Variants in ANKRD55 observed in about 807,000 individuals in gnomAD.
ANKRD55 encodes ankyrin repeat domain 55.
ANKRD55 carries 41 observed loss-of-function variants against 60.6 expected under a neutral mutation model. The ratio of observed to expected loss-of-function variants is 0.68; its 90% CI spans 0.53 to 0.88. The LOEUF (loss-of-function observed/expected upper bound fraction) is 0.88. Ranked by LOEUF, ANKRD55 falls within the 40% of genes least tolerant of loss-of-function variation. ANKRD55 has a pLI of 0.00. For missense variants in ANKRD55, 732 were observed against 767.6 expected (o/e 0.95, Z 0.55); for synonymous variants, 264 against 290.3 (o/e 0.91, Z 0.92).
chr5:56,155,761 C>T (rs1203422663), intron 6 of ANKRD55, among the ~76,000 whole-genome samples: 1 of 151,476 alleles, frequency 6.6e-6, no homozygotes, highest in Non-Finnish European at 1.5e-5. Context: ...GAGAGGATCA[C>T]CTGAGCCCAG....
chr5:56,220,680 G>T (rs898063757), intron 2 of ANKRD55, among the ~76,000 whole-genome samples: 12 of 152,138 alleles, frequency 7.9e-5, no homozygotes, highest in South Asian at 2.1e-4. Context: ...GGTCATGATG[G>T]TGGGCGTCTG....
chr5:56,216,550 CA>C (rs1759816300), intron 2 of ANKRD55, among the ~76,000 whole-genome samples: 2 of 152,146 alleles, frequency 1.3e-5, no homozygotes, highest in Non-Finnish European at 2.9e-5. Context: ...GTTGTGAATG[CA>C]AAGAAAAGTT....
At chr5:56,137,391 T>G in intron 7 of ANKRD55, 8 of 999,808 alleles carry the variant, frequency 8.0e-6, no homozygotes, top group Non-Finnish European at 1.1e-5. Context: ...GATTAACCCA[T>G]ACATGAGCTC....
intron 2 of ANKRD55, among the ~76,000 whole-genome samples, chr5:56,218,292 T>C (rs747005766): frequency 4.3e-4 from 65 of 152,188 alleles, no homozygotes; most frequent in Admixed American, 3.3e-4. Context: ...ATTTCTACGG[T>C]GGGTAAAATG....
intron 10 of ANKRD55, among the ~76,000 whole-genome samples, chr5:56,109,369 T>C (rs1369519430): frequency 1.3e-5 from 2 of 152,066 alleles, no homozygotes; most frequent in African/African-American, 4.8e-5. Flanking sequence ...GATTTTCTAG[T>C]TTTTCGAGAG....
chr5:56,186,262 G>C lies in ANKRD55; in HGVS notation c.59-2628C>G, dbSNP rs193160077. ...GGCTCACTGCAGCCTTGACCTCCCA[G>C]GCCCAAGTGATCCACCCATCTCAGC... On this transcript the variant is annotated intron_variant, in intron 2 of 11. Transcript: ENST00000341048. Among the ~76,000 whole-genome samples the C allele has an allele frequency of 6.4e-3, 968 of 152,278 alleles. 4 individuals are homozygous for C. Among genetic ancestry groups the C allele is most frequent in the Non-Finnish European group, 0.011 (733 of 68,016 alleles).
intron 2 of ANKRD55, among the ~76,000 whole-genome samples, chr5:56,211,269 C>T (rs1759666408): frequency 6.6e-6 from 1 of 152,194 alleles, no homozygotes; most frequent in Admixed American, 6.5e-5. Flanking sequence ...CTGCATTGCT[C>T]ATGTGATCTT....
chr5:56,123,000 A>G (rs1286615059), intron 8 of ANKRD55, among the ~76,000 whole-genome samples: 1 of 152,062 alleles, frequency 6.6e-6, no homozygotes, highest in Non-Finnish European at 1.5e-5. Context: ...TCCTGGGCTC[A>G]AGGGATTCAT....
At chr5:56,220,445 G>A (rs1040552090) in intron 2 of ANKRD55, among the ~76,000 whole-genome samples, 2 of 152,032 alleles carry the variant, frequency 1.3e-5, no homozygotes, top group Admixed American at 1.3e-4. Context: ...TTGGAAGAAG[G>A]CAGCATCACA....
chr5:56,114,184 C>A (rs534734657), intron 9 of ANKRD55: 1 of 163,206 alleles, frequency 6.1e-6, no homozygotes, highest in Non-Finnish European at 1.3e-5. Context: ...CAAAATTAGC[C>A]AGGGGTAGTA....
At chr5:56,200,816 T>C (rs1354801091) in intron 2 of ANKRD55, among the ~76,000 whole-genome samples, 1 of 152,186 alleles carries the variant, frequency 6.6e-6, no homozygotes, top group Non-Finnish European at 1.5e-5. Context: ...TTTGGTTTAT[T>C]CTATTCTGAG....
intron 6 of ANKRD55, among the ~76,000 whole-genome samples, chr5:56,150,035 G>A (rs564644903): frequency 1.3e-5 from 2 of 151,928 alleles, no homozygotes; most frequent in Non-Finnish European, 2.9e-5. Flanking sequence ...AGAGATGGGC[G>A]TCACCATATT....
At chr5:56,192,254 G>C (rs563072919) in intron 2 of ANKRD55, among the ~76,000 whole-genome samples, 2 of 152,352 alleles carry the variant, frequency 1.3e-5, no homozygotes, top group African/African-American at 4.8e-5. Context: ...TGCATAAAGA[G>C]AGATTCCAGA....
chr5:56,166,085 T>C (rs1187763326), intron 5 of ANKRD55, among the ~76,000 whole-genome samples: 5 of 114,372 alleles, frequency 4.4e-5, no homozygotes, highest in African/African-American at 1.9e-4. Flanking sequence ...CTTTCTTTTC[T>C]TTTTCTTTCT....
intron 2 of ANKRD55, among the ~76,000 whole-genome samples, chr5:56,194,174 G>A (rs1263841897): frequency 6.6e-6 from 1 of 152,112 alleles, no homozygotes; most frequent in Non-Finnish European, 1.5e-5. Context: ...AAATTAGCTG[G>A]GCGTGGTGGC....
chr5:56,102,006 A>ATTC (rs1756291722), intron 11 of ANKRD55, among the ~76,000 whole-genome samples: 1 of 152,014 alleles, frequency 6.6e-6, no homozygotes, highest in African/African-American at 2.4e-5. Context: ...TATTTTTTTA[A>ATTC]AAAAAATAAG....
At chr5:56,216,161 A>T (rs1759801402) in intron 2 of ANKRD55, among the ~76,000 whole-genome samples, 1 of 152,020 alleles carries the variant, frequency 6.6e-6, no homozygotes, top group Admixed American at 6.6e-5. Flanking sequence ...TCTATATAAT[A>T]TATATTATTA....
intron 8 of ANKRD55, among the ~76,000 whole-genome samples, chr5:56,126,183 G>A (rs1757249317): frequency 6.6e-6 from 1 of 151,944 alleles, no homozygotes; most frequent in Non-Finnish European, 1.5e-5. Flanking sequence ...TTACAAGTAA[G>A]GGGCTAATTT....
intron 2 of ANKRD55, among the ~76,000 whole-genome samples, chr5:56,192,212 C>G (rs36749): frequency 1.3e-5 from 2 of 151,990 alleles, no homozygotes; most frequent in African/African-American, 4.8e-5. Flanking sequence ...TTGCCTCTCT[C>G]ACTGCTTTAA....
Sources: allele counts gnomAD v4.1 joint callset (sites outside exome capture counted in the v4.1 genomes callset), GRCh38; gene constraint gnomAD v4.1.1; transcripts MANE v1.5; gene names NCBI Gene and HGNC (gene_info 2026-07-23, HGNC 2026-07-21).